Variants in SLIT2 observed in about 807,000 individuals in gnomAD.
The protein encoded by SLIT2 is slit guidance ligand 2.
In SLIT2, 41 loss-of-function variants were observed where a neutral mutation model predicts 185.7. That is an observed-to-expected ratio of 0.22 (90% confidence interval 0.17 to 0.29). The LOEUF (loss-of-function observed/expected upper bound fraction) is 0.29, where lower values mean the gene tolerates loss of function less well. Among genes scored for constraint, SLIT2 ranks in the 10% least tolerant of loss-of-function variants. The pLI is 1.00. For missense variants in SLIT2, 1,571 were observed against 1,909.0 expected, an observed-to-expected ratio of 0.82 and a Z score of 3.30; for synonymous variants, 693 against 680.2, an observed-to-expected ratio of 1.02 and a Z score of -0.29.
chr4:20,267,789 A>G (rs1713190690), intron 3 of SLIT2, among the ~76,000 whole-genome samples: 1 of 151,582 alleles, frequency 6.6e-6, no homozygotes, highest in South Asian at 2.1e-4. Flanking sequence ...TGTCCCTTTT[A>G]CTATTTATCT....
At chr4:20,495,484 A>G (rs1024291105) in intron 9 of SLIT2, among the ~76,000 whole-genome samples, 3 of 152,190 alleles carry the variant, frequency 2.0e-5, no homozygotes, top group African/African-American at 7.2e-5. Context: ...TCATATAGCA[A>G]TATGAAACAT....
intron 26 of SLIT2, among the ~76,000 whole-genome samples, chr4:20,562,301 A>AT (rs1193543445): frequency 1.3e-5 from 2 of 150,822 alleles, no homozygotes; most frequent in African/African-American, 4.9e-5. Flanking sequence ...CATTCCTTTT[A>AT]TTTTTTCACC....
chr4:20,564,881 G>A (rs1724964972), intron 26 of SLIT2, among the ~76,000 whole-genome samples: 1 of 151,686 alleles, frequency 6.6e-6, no homozygotes, highest in Non-Finnish European at 1.5e-5. Context: ...TATCGCTGTG[G>A]AAAACCAAAT....
At chr4:20,293,989 T>C (rs535851715) in intron 4 of SLIT2, among the ~76,000 whole-genome samples, 2 of 152,244 alleles carry the variant, frequency 1.3e-5, no homozygotes, top group African/African-American at 4.8e-5. Flanking sequence ...GACACCTACC[T>C]GAAATTCACA....
At chr4:20,327,766 C>T (rs1335316510) in intron 4 of SLIT2, among the ~76,000 whole-genome samples, 1 of 151,996 alleles carries the variant, frequency 6.6e-6, no homozygotes, top group Non-Finnish European at 1.5e-5. Context: ...GCACTTGCCA[C>T]CACTGCCCAT....
chr4:20,448,995 A>G (rs550657604), intron 4 of SLIT2, among the ~76,000 whole-genome samples: 9 of 152,318 alleles, frequency 5.9e-5, no homozygotes, highest in South Asian at 4.1e-4. Flanking sequence ...AAATATTCCA[A>G]TCATTTCTAG....
intron 9 of SLIT2, among the ~76,000 whole-genome samples, chr4:20,503,986 T>C (rs1441547673): frequency 1.3e-5 from 2 of 152,138 alleles, no homozygotes; most frequent in Non-Finnish European, 2.9e-5. Flanking sequence ...TGCAAAGTTC[T>C]GGAAACTGCA....
In SLIT2 at chr4:20,254,870, C is replaced by T; in HGVS notation, c.179+876C>T. The T allele has an allele frequency of 2.2e-6, 1 of 454,692 alleles. No individual in the cohort carries two copies. Among genetic ancestry groups the T allele is most frequent in the South Asian group, 1.6e-5 (1 of 64,316 alleles). The allele number at this position is 454,692 out of a possible 1,614,324, so 28.2% of individuals were successfully genotyped here. On this transcript the variant is annotated intron_variant, in intron 1 of 36. Coordinates refer to ENST00000504154, the MANE Select transcript of SLIT2 (RefSeq NM_004787.4). The surrounding 1 kb of genome is among the most constrained non-coding windows in gnomAD (Gnocchi z 5.1). ...CCTTCACGTGGCAGCAGTTCCCCTG[C>T]CTTCCCCTCTTCGCGCTCCGTTGCT...
At chr4:20,442,617 G>A (rs532639276) in intron 4 of SLIT2, among the ~76,000 whole-genome samples, 9 of 151,994 alleles carry the variant, frequency 5.9e-5, no homozygotes, top group East Asian at 1.9e-4. Flanking sequence ...GGAAAGGAGC[G>A]AATTGTAGAC....
Position 20,542,637 on chromosome 4 carries a change from C to G in SLIT2, c.2276+11C>G. On this transcript the variant is annotated intron_variant, in intron 21 of 36. Transcript: ENST00000504154. ...AGATGTCACAGAGTTGTAAGTAGAG[C>G]TTGTCTTTCTTTTCTTTTCTTTTTC... The G allele has an allele frequency of 1.9e-6, 3 of 1,611,124 alleles. No homozygotes were observed. The highest frequency in any genetic ancestry group is 2.5e-6 in the Non-Finnish European group (3 of 1,178,686).
chr4:20,565,924 A>G lies in SLIT2; in HGVS notation c.2726-1338A>G, dbSNP rs147026862. Among the ~76,000 whole-genome samples the G allele has an allele frequency of 5.3e-5, 8 of 152,130 alleles. No individual in the cohort carries two copies. The East Asian group carries it at 1.4e-3, about 26-fold the overall frequency. ...TTTAATTCAATACTGTTACTTGAAT[A>G]TGTGCTAGTATTTCCCAGGGTAAAG... On this transcript the variant is annotated intron_variant, in intron 26 of 36. Transcript: ENST00000504154.
Position 20,488,961 on chromosome 4 carries a change from A to G in SLIT2, c.754A>G (p.Lys252Glu), listed in dbSNP as rs1717518592. 2 of 1,611,444 alleles carry G rather than the reference A, an allele frequency of 1.2e-6. No individual in the cohort carries two copies. Among genetic ancestry groups the G allele is most frequent in the African/African-American group, 1.3e-5 (1 of 75,048 alleles). Residue 252 changes from lysine to glutamate, a missense_variant, in exon 8 of 37, where the codon AAA becomes GAA. Lys to Glu is a moderately conservative substitution (Grantham distance 56). Transcript: ENST00000504154. ...LRGHNVAEVQ[K>E]REFVCSGHQS... ...AGGCCATAATGTAGCCGAGGTTCAA[A>G]AACGAGAATTTGTCTGCAGTGGTAA...
chr4:20,384,727 C>A (rs1016015577), intron 4 of SLIT2, among the ~76,000 whole-genome samples: 1 of 152,078 alleles, frequency 6.6e-6, no homozygotes, highest in African/African-American at 2.4e-5. Flanking sequence ...AGCACATACT[C>A]GCCAAAAATT....
intron 4 of SLIT2, among the ~76,000 whole-genome samples, chr4:20,364,023 C>A (rs769187713): frequency 2.4e-4 from 36 of 152,018 alleles, no homozygotes; most frequent in Non-Finnish European, 5.1e-4. Context: ...GTATATATGT[C>A]AAAAAATATC....
At chr4:20,530,681 A>T (rs1025417871) in intron 16 of SLIT2, among the ~76,000 whole-genome samples, 3 of 152,100 alleles carry the variant, frequency 2.0e-5, no homozygotes, top group Non-Finnish European at 4.4e-5. Flanking sequence ...GAGATTTATA[A>T]TTTTTTTAAT....
At chr4:20,336,684 G>GA (rs1322807951) in intron 4 of SLIT2, among the ~76,000 whole-genome samples, 6 of 150,786 alleles carry the variant, frequency 4.0e-5, no homozygotes, top group Non-Finnish European at 7.4e-5. Flanking sequence ...GTATAATAAA[G>GA]AAAAAAAAGA....
chr4:20,275,476 A>G (rs1385866316), intron 4 of SLIT2, among the ~76,000 whole-genome samples: 1 of 152,204 alleles, frequency 6.6e-6, no homozygotes, highest in Non-Finnish European at 1.5e-5. Flanking sequence ...TCATCCTTTC[A>G]TTGCAAGCAA....
At chr4:20,453,130 T>C (rs1393538640) in intron 4 of SLIT2, among the ~76,000 whole-genome samples, 1 of 152,242 alleles carries the variant, frequency 6.6e-6, no homozygotes, top group African/African-American at 2.4e-5. Flanking sequence ...ATATGACTTT[T>C]TGCATTCAGA....
chr4:20,286,103 A>C (rs189017108), intron 4 of SLIT2, among the ~76,000 whole-genome samples: 39 of 152,366 alleles, frequency 2.6e-4, no homozygotes, highest in African/African-American at 8.7e-4. Context: ...CTAGCATTTG[A>C]ATACAGTGCA....
Sources: allele counts gnomAD v4.1 joint callset (sites outside exome capture counted in the v4.1 genomes callset), GRCh38; gene constraint gnomAD v4.1.1; non-coding constraint Gnocchi (gnomAD v3.1); transcripts MANE v1.5; gene names NCBI Gene and HGNC (gene_info 2026-07-23, HGNC 2026-07-21).